Variants in GRID1 observed in about 807,000 individuals in gnomAD.
GRID1 encodes the protein glutamate receptor ionotropic, delta-1.
GRID1 carries 28 observed loss-of-function variants against 98.0 expected under a neutral mutation model. That is an observed-to-expected ratio of 0.29 (90% confidence interval 0.21 to 0.39). The LOEUF is 0.39. Among genes scored for constraint, GRID1 ranks in the 10% least tolerant of loss-of-function variants. The probability of loss-of-function intolerance (pLI) is 1.00; values close to 1 mark genes in which losing one functional copy is unlikely to be tolerated. For missense variants in GRID1, 1,111 were observed against 1,340.5 expected (o/e 0.83, Z 2.67); for synonymous variants, 553 against 538.5 (o/e 1.03, Z -0.37).
intron 8 of GRID1, among the ~76,000 whole-genome samples, chr10:85,835,555 G>A (rs543353515): frequency 6.6e-6 from 1 of 152,266 alleles, no homozygotes; most frequent in South Asian, 2.1e-4. Context: ...CATCATGATT[G>A]TGAGGCCTAC....
chr10:86,189,496 T>TAC (rs150873337), intron 3 of GRID1, among the ~76,000 whole-genome samples: 2,358 of 151,026 alleles, frequency 0.016, 72 homozygotes, highest in African/African-American at 0.053. Flanking sequence ...CCCTACCCTC[T>TAC]ACACACACAC....
chr10:86,063,244 T>A (rs1207854756), intron 4 of GRID1, among the ~76,000 whole-genome samples: 2 of 152,098 alleles, frequency 1.3e-5, no homozygotes, highest in Non-Finnish European at 2.9e-5. Flanking sequence ...GTGGAAATGG[T>A]GAGTACACAC....
intron 6 of GRID1, among the ~76,000 whole-genome samples, chr10:85,867,487 A>C (rs1843233209): frequency 6.6e-6 from 1 of 152,162 alleles, no homozygotes; most frequent in Non-Finnish European, 1.5e-5. Flanking sequence ...GGGAATGGGC[A>C]CACACTCCCT....
At chr10:86,062,528 C>T (rs1468174694) in intron 4 of GRID1, among the ~76,000 whole-genome samples, 1 of 152,124 alleles carries the variant, frequency 6.6e-6, no homozygotes, top group Non-Finnish European at 1.5e-5. Flanking sequence ...TGTACCAGAA[C>T]CCTCATTTCA....
At chr10:85,950,963 G>A (rs1346419648) in intron 4 of GRID1, among the ~76,000 whole-genome samples, 4 of 152,250 alleles carry the variant, frequency 2.6e-5, no homozygotes, top group South Asian at 2.1e-4. Flanking sequence ...TGTGGGAGAC[G>A]TCTGGAGTTA....
At chr10:86,084,933 A>G (rs1225608519) in intron 4 of GRID1, among the ~76,000 whole-genome samples, 5 of 152,210 alleles carry the variant, frequency 3.3e-5, no homozygotes, top group Non-Finnish European at 5.9e-5. Context: ...GGGCTAATAA[A>G]AAAGTTCTGG....
intron 4 of GRID1, among the ~76,000 whole-genome samples, chr10:86,032,829 T>TAAAA (rs58350170): frequency 1.8e-4 from 20 of 109,876 alleles, no homozygotes; most frequent in Non-Finnish European, 2.5e-4. Flanking sequence ...AATAAATACT[T>TAAAA]AAAAAAAAAA....
chr10:85,704,600 A>C (rs1306045658), intron 12 of GRID1, among the ~76,000 whole-genome samples: 1 of 152,198 alleles, frequency 6.6e-6, no homozygotes, highest in Admixed American at 6.5e-5. Context: ...AATTGAACTC[A>C]GCTCTGCACC....
At chr10:85,741,102 C>T (rs531829661) in intron 8 of GRID1, among the ~76,000 whole-genome samples, 12 of 152,196 alleles carry the variant, frequency 7.9e-5, no homozygotes, top group East Asian at 5.8e-4. Context: ...TTTTGATTTG[C>T]TCAATAAAAT....
Position 86,002,107 on chromosome 10 carries a change from C to T in GRID1, c.727-85868G>A, listed in dbSNP as rs147296806. Among the ~76,000 whole-genome samples the T allele has an allele frequency of 2.6e-3, 393 of 152,340 alleles. 2 individuals carry two copies. Among genetic ancestry groups the T allele is most frequent in the Middle Eastern group, 0.014 (4 of 294 alleles). On this transcript the variant is annotated intron_variant, in intron 4 of 15. Coordinates refer to ENST00000327946, the MANE Select transcript of GRID1 (RefSeq NM_017551.3). ...CAAGTCATACTGGATTAGGATCACC[C>T]TCATGAGCTCATTTTAACCTCACAG...
chr10:86,365,717 G>A lies in GRID1; in HGVS notation c.79+597C>T, dbSNP rs1383324828. On this transcript the variant is annotated intron_variant, in intron 1 of 15. Transcript: ENST00000327946. The surrounding 1 kb of genome is among the most constrained non-coding windows in gnomAD (Gnocchi z 4.8). ...CCAAGGGCTACACAGACACACACCG[G>A]AGAAGCAGGCAGACACTGTGTCCAC... Among the ~76,000 whole-genome samples the A allele has an allele frequency of 6.6e-6, 1 of 151,982 alleles. No individual in the cohort carries two copies. Among genetic ancestry groups the A allele is most frequent in the African/African-American group, 2.4e-5 (1 of 41,402 alleles).
intron 4 of GRID1, among the ~76,000 whole-genome samples, chr10:85,940,032 A>G (rs1841977647): frequency 6.9e-6 from 1 of 145,842 alleles, no homozygotes; most frequent in African/African-American, 2.6e-5. Context: ...GCACCACTGC[A>G]CTGCAGCCTG....
intron 8 of GRID1, among the ~76,000 whole-genome samples, chr10:85,807,240 C>T (rs1050989653): frequency 6.6e-6 from 1 of 151,814 alleles, no homozygotes; most frequent in African/African-American, 2.4e-5. Context: ...GTCTCAGCTA[C>T]TCGGGAGGCA....
chr10:86,321,726 A>G (rs572193479), intron 2 of GRID1, among the ~76,000 whole-genome samples: 1 of 152,278 alleles, frequency 6.6e-6, no homozygotes, highest in East Asian at 1.9e-4. Context: ...AACTGCCCGC[A>G]GGCAGAAGCA....
chr10:85,716,400 G>A (rs1332966868), intron 12 of GRID1, among the ~76,000 whole-genome samples: 2 of 151,966 alleles, frequency 1.3e-5, no homozygotes, highest in African/African-American at 2.4e-5. Flanking sequence ...ATCACACACC[G>A]GGGACTGTTG....
rs1293579248 is a variant in GRID1, at chr10:86,195,885, C to T, written c.520+10479G>A. On this transcript the variant is annotated intron_variant, in intron 3 of 15. Coordinates refer to ENST00000327946, the MANE Select transcript of GRID1 (RefSeq NM_017551.3). The surrounding 1 kb of genome is among the most constrained non-coding windows in gnomAD (Gnocchi z 4.4). Reference sequence around the variant, plus strand: ...AGTCCAGAACTAGTCACACAAGATACAGGCAATTTCATCCTTTTAACATTC... The same window carrying T: ...AGTCCAGAACTAGTCACACAAGATATAGGCAATTTCATCCTTTTAACATTC... Among the ~76,000 whole-genome samples the T allele has an allele frequency of 6.6e-6, 1 of 152,144 alleles. No homozygotes were observed. Among genetic ancestry groups the T allele is most frequent in the Non-Finnish European group, 1.5e-5 (1 of 67,988 alleles).
chr10:86,155,384 T>TA (rs1029142502), intron 3 of GRID1, among the ~76,000 whole-genome samples: 4 of 152,256 alleles, frequency 2.6e-5, no homozygotes, highest in Admixed American at 6.5e-5. Flanking sequence ...TTTATTTTTT[T>TA]AACCAACTTT....
chr10:86,283,577 A>T (rs2814359), intron 2 of GRID1, among the ~76,000 whole-genome samples: 6,022 of 150,180 alleles, frequency 0.04, 234 homozygotes, highest in Admixed American at 0.11. Context: ...ACACACACCT[A>T]CCCTTACACA....
chr10:86,347,118 C>T lies in GRID1; in HGVS notation c.235+16823G>A, dbSNP rs142806743. ...CATGGACATACCACAGAGCTCAAAG[C>T]CTGGCCCTTCCCCTCCTTACTCTCC... On this transcript the variant is annotated intron_variant, in intron 2 of 15. Transcript: ENST00000327946. Among the ~76,000 whole-genome samples the T allele has an allele frequency of 8.1e-3, 1,105 of 136,760 alleles. 10 individuals carry two copies. Among genetic ancestry groups the T allele is most frequent in the African/African-American group, 0.027 (992 of 37,026 alleles). The allele number at this position is 136,760 out of a possible 152,430, so 89.7% of individuals were successfully genotyped here. A position where few individuals can be genotyped will look rare whatever the true frequency, so the allele number is the denominator to read the frequency against.
Sources: gnomAD v4.1 joint callset for allele counts (sites outside exome capture counted in the v4.1 genomes callset) on GRCh38, gnomAD v4.1.1 for gene constraint, Gnocchi (gnomAD v3.1) non-coding constraint, MANE v1.5 for transcripts, NCBI Gene and HGNC (gene_info 2026-07-23, HGNC 2026-07-21) for gene names.